WWOX: variants seen among roughly 807,000 people sequenced by gnomAD.
WWOX encodes the protein WW domain-containing oxidoreductase.
WWOX carries 69 observed loss-of-function variants against 46.2 expected under a neutral mutation model. The ratio of observed to expected loss-of-function variants is 1.49; its 90% CI spans 1.23 to 1.82. WWOX has a LOEUF of 1.82. Ranked by LOEUF, WWOX falls within the 40% of genes most tolerant of loss-of-function variation. The pLI, the probability that WWOX is intolerant of heterozygous loss-of-function variation, is 0.00. For synonymous variants in WWOX, 359 were observed against 202.6 expected (o/e 1.77, Z -6.56); for missense variants, 919 against 542.6 (o/e 1.69, Z -6.89).
chr16:78,364,128 CTA>C (rs1567526676), intron 5 of WWOX, among the ~76,000 whole-genome samples: 1 of 152,204 alleles, frequency 6.6e-6, no homozygotes, highest in Non-Finnish European at 1.5e-5. Context: ...ATGTCGCTCT[CTA>C]TCCGTAACCC....
chr16:78,349,540 T>C (rs1156467609), intron 5 of WWOX, among the ~76,000 whole-genome samples: 1 of 119,582 alleles, frequency 8.4e-6, no homozygotes, highest in African/African-American at 2.8e-5. Flanking sequence ...TCAGCTGATG[T>C]GAGATTACAT....
chr16:78,878,733 C>G (rs1008057126), intron 8 of WWOX, among the ~76,000 whole-genome samples: 10 of 152,086 alleles, frequency 6.6e-5, no homozygotes, highest in Non-Finnish European at 1.2e-4. Context: ...TGGCTTCTAT[C>G]CTGACAATGT....
intron 8 of WWOX, chr16:79,016,768 C>T (rs1013184871): frequency 2.6e-5 from 4 of 152,174 alleles, no homozygotes; most frequent in Admixed American, 6.5e-5. Flanking sequence ...GTCTGCAGGC[C>T]CCGCCTGGCC....
intron 8 of WWOX, among the ~76,000 whole-genome samples, chr16:78,798,567 TCCC>T (rs938115751): frequency 6.9e-6 from 1 of 145,678 alleles, no homozygotes; most frequent in Non-Finnish European, 1.5e-5. Context: ...TATTCCTCCC[TCCC>T]CCCAAGGTAG....
chr16:78,756,946 C>A, intron 8 of WWOX: 3 of 702,980 alleles, frequency 4.3e-6, no homozygotes, highest in South Asian at 3.0e-5. Context: ...CTAGGAAAAG[C>A]CAGCTGCCAT....
At chr16:78,308,100 T>G (rs2080167101) in intron 5 of WWOX, among the ~76,000 whole-genome samples, 2 of 152,202 alleles carry the variant, frequency 1.3e-5, no homozygotes, top group Admixed American at 1.3e-4. Context: ...CAGTCAGGCC[T>G]TCATTTTTCT....
At chr16:79,036,208 A>C (rs925283945) in intron 8 of WWOX, among the ~76,000 whole-genome samples, 1 of 152,186 alleles carries the variant, frequency 6.6e-6, no homozygotes, top group Non-Finnish European at 1.5e-5. Context: ...CTCAAACAGT[A>C]TACCCACTAC....
intron 8 of WWOX, among the ~76,000 whole-genome samples, chr16:78,936,720 A>C (rs2045745292): frequency 6.6e-6 from 1 of 152,160 alleles, no homozygotes; most frequent in Non-Finnish European, 1.5e-5. Context: ...CTCAGCAATC[A>C]CAGTTTCCAG....
chr16:78,734,471 G>A (rs556378660), intron 8 of WWOX, among the ~76,000 whole-genome samples: 92 of 151,982 alleles, frequency 6.1e-4, no homozygotes, highest in Middle Eastern at 3.4e-3. Flanking sequence ...AAATCTTACG[G>A]TCTGCGGGTT....
chr16:78,128,046 A>G (rs11640103), intron 4 of WWOX, among the ~76,000 whole-genome samples: 8,260 of 152,328 alleles, frequency 0.054, 265 homozygotes, highest in African/African-American at 0.068. Context: ...CCAATAGTGT[A>G]TGAATATAAG....
intron 5 of WWOX, among the ~76,000 whole-genome samples, chr16:78,330,873 C>G (rs964059568): frequency 3.3e-5 from 5 of 152,190 alleles, no homozygotes; most frequent in African/African-American, 1.2e-4. Context: ...TTTTTGTAAG[C>G]TGAGATGATA....
At chr16:78,727,255 T>G (rs1283869448) in intron 8 of WWOX, among the ~76,000 whole-genome samples, 1 of 152,148 alleles carries the variant, frequency 6.6e-6, no homozygotes, top group Admixed American at 6.6e-5. Context: ...AAAAATTAGC[T>G]GGGTTTGGTG....
intron 5 of WWOX, among the ~76,000 whole-genome samples, chr16:78,225,257 C>T (rs563427944): frequency 2.2e-4 from 33 of 152,186 alleles, no homozygotes; most frequent in Middle Eastern, 6.8e-3. Context: ...CATATTTGTG[C>T]ATCTAAACAC....
At chr16:78,458,879 C>G (rs1240681587) in intron 8 of WWOX, among the ~76,000 whole-genome samples, 1 of 151,966 alleles carries the variant, frequency 6.6e-6, no homozygotes, top group Non-Finnish European at 1.5e-5. Flanking sequence ...TTAGTATATT[C>G]TTATTTGGCC....
At chr16:79,041,923 C>G (rs368451103) in intron 8 of WWOX, among the ~76,000 whole-genome samples, 5 of 152,238 alleles carry the variant, frequency 3.3e-5, no homozygotes, top group African/African-American at 1.2e-4. Context: ...GCTTTCTCCT[C>G]TCTAAGAGTC....
chr16:78,931,778 A>G (rs1372227014), intron 8 of WWOX, among the ~76,000 whole-genome samples: 1 of 152,156 alleles, frequency 6.6e-6, no homozygotes, highest in African/African-American at 2.4e-5. Context: ...TACCCACTTG[A>G]TATGGTTTAG....
chr16:79,169,538 C>T (rs2050660137), intron 8 of WWOX, among the ~76,000 whole-genome samples: 1 of 152,180 alleles, frequency 6.6e-6, no homozygotes, highest in South Asian at 2.1e-4. Flanking sequence ...CTTTTAAAGC[C>T]AGGGTAAAGT....
chr16:78,744,023 C>G (rs544819350), intron 8 of WWOX, among the ~76,000 whole-genome samples: 165 of 152,194 alleles, frequency 1.1e-3, no homozygotes, highest in Non-Finnish European at 1.9e-3. Flanking sequence ...TTGTCCAATT[C>G]TTTATTCAAA....
intron 8 of WWOX, among the ~76,000 whole-genome samples, chr16:78,432,974 A>G (rs1212580240): frequency 6.6e-6 from 1 of 152,140 alleles, no homozygotes; most frequent in Non-Finnish European, 1.5e-5. Flanking sequence ...GGGTTTCAGT[A>G]TCATGTTAAG....
Sources: gnomAD v4.1 joint callset for allele counts (sites outside exome capture counted in the v4.1 genomes callset) on GRCh38, gnomAD v4.1.1 for gene constraint, MANE v1.5 for transcripts, NCBI Gene and HGNC (gene_info 2026-07-23, HGNC 2026-07-21) for gene names.